GNA14: variants seen among roughly 807,000 people sequenced by gnomAD.
GNA14 encodes the protein guanine nucleotide-binding protein subunit alpha-14.
In GNA14, 50 loss-of-function variants were observed where a neutral mutation model predicts 42.0. That is an observed-to-expected ratio of 1.19 (90% CI 0.95 to 1.51). GNA14 has a LOEUF of 1.51. Among genes scored for constraint, GNA14 ranks in the 40% most tolerant of loss-of-function variants. The probability of loss-of-function intolerance (pLI) is 0.00; values close to 1 mark genes in which losing one functional copy is unlikely to be tolerated. For synonymous variants in GNA14, 173 were observed against 163.1 expected (o/e 1.06, Z -0.46); for missense variants, 473 against 446.2 (o/e 1.06, Z -0.54).
At chr9:77,447,405 C>T (rs1298332563) in intron 2 of GNA14, among the ~76,000 whole-genome samples, 1 of 152,236 alleles carries the variant, frequency 6.6e-6, no homozygotes. Context: ...AAGACCTCCT[C>T]GTTCCTCTCT....
chr9:77,456,387 T>C (rs191963669), intron 2 of GNA14: 111 of 152,376 alleles, frequency 7.3e-4, no homozygotes, highest in African/African-American at 2.6e-3. Flanking sequence ...GGAATAGTTT[T>C]CTGCACATCT....
intron 2 of GNA14, among the ~76,000 whole-genome samples, chr9:77,459,717 C>T (rs1161406630): frequency 6.6e-6 from 1 of 152,142 alleles, no homozygotes; most frequent in Admixed American, 6.5e-5. Flanking sequence ...TTTTATTTTC[C>T]AAATGTCAAA....
chr9:77,517,353 A>T (rs965502557), intron 2 of GNA14: 1 of 152,080 alleles, frequency 6.6e-6, no homozygotes. Flanking sequence ...TCATTGTTTC[A>T]AAAATAGGGA....
chr9:77,569,646 G>C (rs986349781), intron 1 of GNA14, among the ~76,000 whole-genome samples: 1 of 152,188 alleles, frequency 6.6e-6, no homozygotes, highest in African/African-American at 2.4e-5. Flanking sequence ...AGGCTATGTG[G>C]GGGCTTTGGT....
At chr9:77,515,807 A>C (rs760024061) in intron 2 of GNA14, among the ~76,000 whole-genome samples, 14 of 151,632 alleles carry the variant, frequency 9.2e-5, no homozygotes, top group Admixed American at 2.6e-4. Flanking sequence ...TTACAAAAAA[A>C]TAAAAAATTA....
chr9:77,634,717 C>T (rs1354382941), intron 1 of GNA14, among the ~76,000 whole-genome samples: 1 of 152,138 alleles, frequency 6.6e-6, no homozygotes, highest in Non-Finnish European at 1.5e-5. Flanking sequence ...CCTTCTTAGA[C>T]AATCACAAAC....
chr9:77,594,111 C>T (rs545210637), intron 1 of GNA14, among the ~76,000 whole-genome samples: 1 of 152,300 alleles, frequency 6.6e-6, no homozygotes, highest in East Asian at 1.9e-4. Flanking sequence ...GGTGAAACTC[C>T]ATCGTGGCAC....
At chr9:77,537,442 A>C (rs1403446002) in intron 1 of GNA14, among the ~76,000 whole-genome samples, 1 of 152,180 alleles carries the variant, frequency 6.6e-6, no homozygotes, top group Non-Finnish European at 1.5e-5. Context: ...ATAGTATCCC[A>C]CTATGTATAT....
intron 1 of GNA14, among the ~76,000 whole-genome samples, chr9:77,606,425 T>C (rs1823646997): frequency 6.6e-6 from 1 of 152,242 alleles, no homozygotes; most frequent in South Asian, 2.1e-4. Context: ...TATTTTCCTA[T>C]GATTATACAA....
intron 2 of GNA14, among the ~76,000 whole-genome samples, chr9:77,485,994 T>C (rs1836654150): frequency 6.6e-6 from 1 of 152,180 alleles, no homozygotes; most frequent in African/African-American, 2.4e-5. Context: ...TCCAGCTGCA[T>C]TAACCCCTAA....
At chr9:77,486,708 T>C (rs906165862) in intron 2 of GNA14, among the ~76,000 whole-genome samples, 12 of 152,172 alleles carry the variant, frequency 7.9e-5, no homozygotes, top group Admixed American at 1.3e-4. Flanking sequence ...TTTCAGGTAA[T>C]AGGGAGGCTT....
chr9:77,488,975 G>A (rs572771354), intron 2 of GNA14, among the ~76,000 whole-genome samples: 2 of 151,924 alleles, frequency 1.3e-5, no homozygotes, highest in Admixed American at 6.6e-5. Flanking sequence ...TATACAAACC[G>A]TCTGACCAAG....
intron 1 of GNA14, among the ~76,000 whole-genome samples, chr9:77,575,746 T>A (rs1330013505): frequency 6.6e-6 from 1 of 152,248 alleles, no homozygotes; most frequent in African/African-American, 2.4e-5. Context: ...GTTTTAAGTC[T>A]GAAAACCTTT....
chr9:77,548,156 G>T (rs911261856), intron 1 of GNA14, among the ~76,000 whole-genome samples: 1 of 152,184 alleles, frequency 6.6e-6, no homozygotes, highest in African/African-American at 2.4e-5. Flanking sequence ...CTCTCACGGA[G>T]CTGCTGAGAG....
intron 2 of GNA14, among the ~76,000 whole-genome samples, chr9:77,496,388 G>A (rs1359196238): frequency 6.6e-6 from 1 of 152,134 alleles, no homozygotes; most frequent in Admixed American, 6.5e-5. Flanking sequence ...CCTTCAAGAA[G>A]AGCTTTGCCC....
At chr9:77,506,145 G>T (rs754173722) in intron 2 of GNA14, among the ~76,000 whole-genome samples, 2 of 151,810 alleles carry the variant, frequency 1.3e-5, no homozygotes, top group Non-Finnish European at 2.9e-5. Context: ...AGCCAGGCAT[G>T]GTGGTGCATG....
At chr9:77,481,654 A>T (rs1468372333) in intron 2 of GNA14, among the ~76,000 whole-genome samples, 1 of 152,088 alleles carries the variant, frequency 6.6e-6, no homozygotes, top group Non-Finnish European at 1.5e-5. Flanking sequence ...TGGGGTGTTA[A>T]AGTCTCCCAT....
intron 1 of GNA14, among the ~76,000 whole-genome samples, chr9:77,599,480 T>A (rs1487456812): frequency 6.6e-6 from 1 of 152,242 alleles, no homozygotes; most frequent in South Asian, 2.1e-4. Flanking sequence ...CCCGGCCCAG[T>A]GGATTTATTC....
At chr9:77,550,814 T>C (rs1837778220) in intron 1 of GNA14, among the ~76,000 whole-genome samples, 1 of 152,182 alleles carries the variant, frequency 6.6e-6, no homozygotes, top group Non-Finnish European at 1.5e-5. Flanking sequence ...GCAACAAAAT[T>C]ATTCACAGGG....
Sources: gnomAD v4.1 joint callset for allele counts (sites outside exome capture counted in the v4.1 genomes callset) on GRCh38, gnomAD v4.1.1 for gene constraint, MANE v1.5 for transcripts, NCBI Gene and HGNC (gene_info 2026-07-23, HGNC 2026-07-21) for gene names.